Variants in RPS6KC1 observed in about 807,000 individuals in gnomAD.
The protein encoded by RPS6KC1 is inactive ribosomal protein S6 kinase delta-1.
RPS6KC1 carries 54 observed loss-of-function variants against 103.8 expected under a neutral mutation model. The observed-to-expected ratio is 0.52, with a 90% CI of 0.42 to 0.65. The LOEUF is 0.65. Among genes scored for constraint, RPS6KC1 ranks in the 30% least tolerant of loss-of-function variants. The pLI is 0.00. For missense variants in RPS6KC1, 1,151 were observed against 1,253.8 expected (o/e 0.92, Z 1.24); for synonymous variants, 439 against 438.7 (o/e 1.00, Z -0.01).
At chr1:213,522,473 A>G in the RPS6KC1 span, among the ~76,000 whole-genome samples, 2 of 152,214 alleles carry the variant, frequency 1.3e-5, no homozygotes, top group Non-Finnish European at 2.9e-5. Context: ...ACCCCTAACA[A>G]GAGAGTCAGC....
intron 8 of RPS6KC1, among the ~76,000 whole-genome samples, chr1:213,182,284 G>T (rs1275791590): frequency 6.6e-6 from 1 of 152,124 alleles, no homozygotes; most frequent in African/African-American, 2.4e-5. Flanking sequence ...CTGAGGTCAG[G>T]AATTTGAGAC....
At chr1:213,249,669 T>A (rs2094511094) in intron 12 of RPS6KC1, among the ~76,000 whole-genome samples, 1 of 152,214 alleles carries the variant, frequency 6.6e-6, no homozygotes, top group Non-Finnish European at 1.5e-5. Flanking sequence ...TGTTGTGATA[T>A]GATCAATGGA....
the RPS6KC1 span, among the ~76,000 whole-genome samples, chr1:213,562,359 G>GTTTTTTTTTTTTTTT: frequency 2.8e-5 from 1 of 36,278 alleles, no homozygotes; most frequent in African/African-American, 1.2e-4. Flanking sequence ...GAAAAGTTCT[G>GTTTTTTTTTTTTTTT]TTTTTTTTTT....
chr1:213,153,821 T>C (rs1211112730), intron 6 of RPS6KC1, among the ~76,000 whole-genome samples: 1 of 152,248 alleles, frequency 6.6e-6, no homozygotes, highest in Non-Finnish European at 1.5e-5. Flanking sequence ...TCCTTCATGC[T>C]TGAAGGATAC....
chr1:213,256,768 G>T (rs980583965), intron 12 of RPS6KC1, among the ~76,000 whole-genome samples: 23 of 152,088 alleles, frequency 1.5e-4, no homozygotes. Flanking sequence ...ATGGACCCTG[G>T]CAGAAGATTA....
the RPS6KC1 span, among the ~76,000 whole-genome samples, chr1:213,323,065 C>A: frequency 1.3e-5 from 2 of 151,584 alleles, no homozygotes; most frequent in African/African-American, 4.8e-5. Flanking sequence ...CGCTGGGCCT[C>A]CTTCCTCTGT....
the RPS6KC1 span, among the ~76,000 whole-genome samples, chr1:213,360,252 G>A: frequency 2.4e-4 from 37 of 152,184 alleles, no homozygotes; most frequent in African/African-American, 6.0e-4. Flanking sequence ...GGCTTTGTTC[G>A]TTTCTTTTTA....
chr1:213,106,182 T>C (rs1448203511), intron 4 of RPS6KC1, among the ~76,000 whole-genome samples: 1 of 152,138 alleles, frequency 6.6e-6, no homozygotes, highest in African/African-American at 2.4e-5. Flanking sequence ...AACAGGATAC[T>C]GATTTGGGAA....
intron 4 of RPS6KC1, among the ~76,000 whole-genome samples, chr1:213,110,375 TTA>T (rs148906211): frequency 1.7e-3 from 266 of 152,312 alleles, no homozygotes; most frequent in Admixed American, 4.3e-3. Context: ...TCTTGCCATT[TTA>T]TGTTAGTGTG....
chr1:213,432,069 G>A, the RPS6KC1 span, among the ~76,000 whole-genome samples: 2 of 152,150 alleles, frequency 1.3e-5, no homozygotes, highest in Admixed American at 1.3e-4. Context: ...CTTTTCATGT[G>A]TTTTTGAGAA....
chr1:213,547,770 T>G, the RPS6KC1 span, among the ~76,000 whole-genome samples: 1 of 152,316 alleles, frequency 6.6e-6, no homozygotes, highest in Non-Finnish European at 1.5e-5. Flanking sequence ...CCTGCTCCCC[T>G]TTACTTTCCA....
chr1:213,656,009 C>T, the RPS6KC1 span, among the ~76,000 whole-genome samples: 5 of 152,148 alleles, frequency 3.3e-5, no homozygotes, highest in African/African-American at 7.2e-5. Flanking sequence ...ACAAATACTT[C>T]GTTTTTTTCT....
At chr1:213,612,653 TGTA>T in the RPS6KC1 span, among the ~76,000 whole-genome samples, 1 of 152,214 alleles carries the variant, frequency 6.6e-6, no homozygotes. Context: ...TTTGGCAAAA[TGTA>T]GTCCATTTCT....
At chr1:213,366,261 T>C in the RPS6KC1 span, among the ~76,000 whole-genome samples, 1 of 152,232 alleles carries the variant, frequency 6.6e-6, no homozygotes, top group African/African-American at 2.4e-5. Context: ...CTCTACCACC[T>C]GTTCCAAAGA....
At chr1:213,072,609 C>G (rs2148479922) in intron 2 of RPS6KC1, among the ~76,000 whole-genome samples, 1 of 151,810 alleles carries the variant, frequency 6.6e-6, no homozygotes, top group South Asian at 2.1e-4. Context: ...AATTCATTCC[C>G]TACCAGGAAA....
chr1:213,227,909 C>G (rs2093997153), intron 8 of RPS6KC1, among the ~76,000 whole-genome samples: 1 of 152,170 alleles, frequency 6.6e-6, no homozygotes, highest in Admixed American at 6.5e-5. Context: ...TGTAATCTCT[C>G]TGTTTTAAGG....
At chr1:213,059,116 T>A (rs561641362) in intron 1 of RPS6KC1, among the ~76,000 whole-genome samples, 16 of 152,372 alleles carry the variant, frequency 1.1e-4, no homozygotes, top group African/African-American at 3.6e-4. Context: ...GTGACTTTTT[T>A]TAAATTATAC....
the RPS6KC1 span, among the ~76,000 whole-genome samples, chr1:213,830,371 C>G: frequency 1.3e-5 from 2 of 152,050 alleles, no homozygotes; most frequent in Non-Finnish European, 2.9e-5. Flanking sequence ...CTTTTCATCC[C>G]CCCAATGGAT....
At chr1:213,085,984 G>T (rs921218467) in intron 3 of RPS6KC1, among the ~76,000 whole-genome samples, 3 of 151,714 alleles carry the variant, frequency 2.0e-5, no homozygotes, top group African/African-American at 7.3e-5. Context: ...TGCTCATCTT[G>T]AATTTATTCT....
Sources: allele counts gnomAD v4.1 joint callset (sites outside exome capture counted in the v4.1 genomes callset), GRCh38; gene constraint gnomAD v4.1.1; transcripts MANE v1.5; gene names NCBI Gene and HGNC (gene_info 2026-07-23, HGNC 2026-07-21).